The following FIRRM variants were observed in gnomAD, a reference collection of about 807,000 sequenced individuals.
The protein encoded by FIRRM is FIGNL1-interacting regulator of recombination and mitosis.
the FIRRM span, chr1:169,827,890 C>CT: frequency 6.3e-7 from 1 of 1,586,076 alleles, no homozygotes; most frequent in Admixed American, 1.8e-5. Context: ...TAAGAAGGCC[C>CT]TGTTGTTTGG....
the FIRRM span, chr1:169,851,785 C>A: frequency 6.2e-7 from 1 of 1,607,378 alleles, no homozygotes; most frequent in Non-Finnish European, 8.5e-7. Flanking sequence ...TAACATGTTG[C>A]TATTTGCTTG....
chr1:169,798,937 G>A, the FIRRM span: 21 of 1,338,374 alleles, frequency 1.6e-5, no homozygotes, highest in Non-Finnish European at 2.1e-5. Context: ...TCAACATTCT[G>A]ACAGTTGGAT....
the FIRRM span, chr1:169,827,630 T>C: frequency 2.0e-6 from 3 of 1,510,516 alleles, no homozygotes; most frequent in Non-Finnish European, 9.1e-7. Flanking sequence ...AGAGTGAGAC[T>C]CTGACTCAAA....
chr1:169,851,993 AC>A, the FIRRM span: 5 of 1,612,196 alleles, frequency 3.1e-6, no homozygotes, highest in South Asian at 2.2e-5. Flanking sequence ...TGCCCTTTTT[AC>A]TTACTGACGA....
the FIRRM span, chr1:169,852,060 A>G: frequency 7.3e-7 from 1 of 1,361,918 alleles, no homozygotes; most frequent in Non-Finnish European, 1.0e-6. Flanking sequence ...ATAGATCTAG[A>G]CATGTAAAAT....
the FIRRM span, chr1:169,793,890 A>C: frequency 2.2e-6 from 1 of 445,666 alleles, no homozygotes; most frequent in Non-Finnish European, 4.0e-6. Flanking sequence ...TCCTCTTTCC[A>C]AGCAGCTCTG....
the FIRRM span, chr1:169,802,564 C>G: frequency 8.2e-7 from 1 of 1,224,816 alleles, no homozygotes. Flanking sequence ...AAAGTTTTGT[C>G]TTGTCTTTTC....
At chr1:169,788,383 A>G in the FIRRM span, among the ~76,000 whole-genome samples, 3 of 152,200 alleles carry the variant, frequency 2.0e-5, no homozygotes, top group Non-Finnish European at 2.9e-5. Flanking sequence ...GTGAATAGTA[A>G]ATATGTTTTC....
chr1:169,786,064 T>G, the FIRRM span, among the ~76,000 whole-genome samples: 1 of 152,170 alleles, frequency 6.6e-6, no homozygotes, highest in Non-Finnish European at 1.5e-5. Context: ...TGAACAATGT[T>G]GGGAGATAAG....
the FIRRM span, chr1:169,830,689 A>G: frequency 1.1e-3 from 1,709 of 1,612,858 alleles, 14 homozygotes; most frequent in African/African-American, 0.014. Context: ...TCTCTTTTAT[A>G]TTGCAGATAT....
the FIRRM span, chr1:169,803,448 AG>A: frequency 3.7e-5 from 34 of 921,348 alleles, no homozygotes; most frequent in Non-Finnish European, 5.0e-5. Flanking sequence ...AGAACATGTA[AG>A]TAAATAATTG....
At chr1:169,849,965 A>G in the FIRRM span, 7 of 471,002 alleles carry the variant, frequency 1.5e-5, no homozygotes, top group East Asian at 3.7e-5. Flanking sequence ...AACCTGTAAG[A>G]TGGGTTGCTC....
the FIRRM span, chr1:169,847,539 A>G: frequency 3.6e-6 from 2 of 555,204 alleles, no homozygotes; most frequent in South Asian, 2.7e-5. Context: ...AAATTCTACC[A>G]GTGAAGTTCA....
At chr1:169,806,313 C>G in the FIRRM span, among the ~76,000 whole-genome samples, 1 of 152,204 alleles carries the variant, frequency 6.6e-6, no homozygotes, top group African/African-American at 2.4e-5. Context: ...TCCTAGTTAG[C>G]TAGTACTTCA....
chr1:169,838,874 T>A, the FIRRM span, among the ~76,000 whole-genome samples: 1 of 152,146 alleles, frequency 6.6e-6, no homozygotes, highest in Admixed American at 6.5e-5. Context: ...GGGATATGAA[T>A]GATTTCATCA....
chr1:169,795,237 C>T, the FIRRM span: 1 of 1,531,706 alleles, frequency 6.5e-7, no homozygotes, highest in Middle Eastern at 1.7e-4. Context: ...GTTGTCACTT[C>T]TACCTAGAGA....
chr1:169,846,911 C>G, the FIRRM span, among the ~76,000 whole-genome samples: 2 of 152,112 alleles, frequency 1.3e-5, no homozygotes, highest in Non-Finnish European at 2.9e-5. Flanking sequence ...TTGACAGCAC[C>G]AGGCTGAATT....
chr1:169,805,854 TA>T, the FIRRM span: 1 of 621,872 alleles, frequency 1.6e-6, no homozygotes, highest in East Asian at 3.0e-5. Flanking sequence ...ATAGTTTAAA[TA>T]ATTCTTTTGA....
chr1:169,836,717 T>G, the FIRRM span, among the ~76,000 whole-genome samples: 1 of 152,230 alleles, frequency 6.6e-6, no homozygotes, highest in African/African-American at 2.4e-5. Flanking sequence ...CCACTTAAGC[T>G]GTGTTTTTGT....
Sources: gnomAD v4.1 joint callset for allele counts (sites outside exome capture counted in the v4.1 genomes callset) on GRCh38, gnomAD v4.1.1 for gene constraint, MANE v1.5 for transcripts, NCBI Gene and HGNC (gene_info 2026-07-23, HGNC 2026-07-21) for gene names.